The following ZKSCAN2 variants were observed in gnomAD, a reference collection of about 807,000 sequenced individuals.
ZKSCAN2 encodes the protein zinc finger protein with KRAB and SCAN domains 2.
Under a neutral mutation model 90.5 loss-of-function variants are expected in ZKSCAN2, and 38 were observed. The ratio of observed to expected loss-of-function variants is 0.42; its 90% CI spans 0.32 to 0.55. The LOEUF (loss-of-function observed/expected upper bound fraction) is 0.55. ZKSCAN2 is among the 20% of genes least tolerant of loss of function. The pLI, the probability that ZKSCAN2 is intolerant of heterozygous loss-of-function variation, is 0.11. For synonymous variants in ZKSCAN2, 429 were observed against 421.6 expected, an observed-to-expected ratio of 1.02 and a Z score of -0.22; for missense variants, 1,167 against 1,202.6, an observed-to-expected ratio of 0.97 and a Z score of 0.44.
rs774275525 is a variant in ZKSCAN2, at chr16:25,239,836, C to G, written c.2884G>C (p.Glu962Gln). ...PENPHKGKTD[E>Q]FRKTF ...CATCATCAAAAAGTTTTCCTAAATT[C>G]ATCAGTCTTTCCCTTATGTGGGTTC... Residue 962 changes from glutamate to glutamine, a missense_variant, in exon 7 of 7, where the codon GAA becomes CAA. Transcript: ENST00000328086. The G allele has an allele frequency of 1.4e-5, 22 of 1,585,102 alleles. No homozygotes were observed. The highest frequency in any genetic ancestry group is 1.7e-4 in the Middle Eastern group (1 of 5,910).
rs1051608145 is a variant in ZKSCAN2 at position 25,257,650 on chromosome 16, C to G, written c.-523G>C. On this transcript the variant is annotated 5_prime_UTR_variant, in exon 1 of 7. Coordinates refer to ENST00000328086, the MANE Select transcript of ZKSCAN2 (RefSeq NM_001012981.5). ...CGCTGGGGCCGCCGGATTCCGAGAG[C>G]GGCGCCGGGCTCTTTCGGGCCCACG... The G allele has an allele frequency of 1.1e-4, 35 of 313,386 alleles. 1 individual carries two copies. Among genetic ancestry groups the G allele is most frequent in the Non-Finnish European group, 1.4e-4 (31 of 215,850 alleles). The allele number at this position is 313,386 out of a possible 1,614,324, so 19.4% of individuals were successfully genotyped here. A position where few individuals can be genotyped will look rare whatever the true frequency, so the allele number is the denominator to read the frequency against.
chr16:25,240,591 G>A lies in ZKSCAN2; in HGVS notation c.2129C>T (p.Ser710Leu), dbSNP rs1597638892. ...TTGAAGATTTTCCCATTGTCTTCCT[G>A]AGATGCATTCCCTTTTGCGATATTT... ...PSKYRKRECI[S>L]GRQWENLQGI... The change falls in exon 7 of 7, where the codon TCA becomes TTA. Residue 710 changes from serine to leucine, a missense_variant. By Grantham distance (145) the Ser-to-Leu change is moderately radical. Coordinates refer to ENST00000328086, the MANE Select transcript of ZKSCAN2 (RefSeq NM_001012981.5). 1.2e-6 allele frequency: 2 copies of A among 1,614,134 alleles called. No individual in the cohort carries two copies. The highest frequency in any genetic ancestry group is 2.2e-5 in the East Asian group (1 of 44,878).
Position 25,238,555 on chromosome 16 carries a change from T to C in ZKSCAN2, c.*1261A>G, listed in dbSNP as rs1007877329. 2 of 152,236 alleles carry C rather than the reference T, an allele frequency of 1.3e-5. No individual in the cohort carries two copies. Among genetic ancestry groups the C allele is most frequent in the African/African-American group, 2.4e-5 (1 of 41,456 alleles). 9.4% of individuals were successfully genotyped at this position (152,236 alleles called of 1,614,324 possible). A position where few individuals can be genotyped will look rare whatever the true frequency, so the allele number is the denominator to read the frequency against. Reference sequence around the variant, plus strand: ...AAACAAAAACGGTGTTCTGGATTTCTGGATTGAAGTTTTTATAAATGTTCC... The same window carrying C: ...AAACAAAAACGGTGTTCTGGATTTCCGGATTGAAGTTTTTATAAATGTTCC... On this transcript the variant is annotated 3_prime_UTR_variant, in exon 7 of 7. Transcript: ENST00000328086.
chr16:25,256,711 T>C lies in ZKSCAN2; in HGVS notation c.399+18A>G. 2 of 1,587,226 alleles carry C rather than the reference T, an allele frequency of 1.3e-6. No individual in the cohort carries two copies. The highest frequency in any genetic ancestry group is 8.6e-7 in the Non-Finnish European group (1 of 1,167,782). ...TCCCTTTTTTCTAAGTACAAAAATT[T>C]GGAAAATCCTCTCTCACCTGCTGTC... On this transcript the variant is annotated intron_variant, in intron 1 of 6. Transcript: ENST00000328086.
chr16:25,256,661 A>G, intron 1 of ZKSCAN2, 68 bp downstream of exon 1: 1 of 1,511,948 alleles, frequency 6.6e-7, no homozygotes. Flanking sequence ...TCTGCAATAC[A>G]TCCCTGCCCA....
Position 25,239,926 on chromosome 16 carries a change from TG to T in ZKSCAN2, c.2793del (p.Lys932AsnfsTer7), listed in dbSNP as rs753337578. 4 of 1,614,204 alleles carry T rather than the reference TG, an allele frequency of 2.5e-6. No homozygotes were observed. In the Admixed American group the frequency reaches 6.7e-5, roughly 27 times the overall value. ...GKRFSKSSVL[T>X]KHREVHVREK... is the part of the protein sequence containing the mutation. ...TCTCTCACATGAACTTCCCGATGTT[TG>T]GTAAGAACAGAACTCTTACTGAAAC... On this transcript the variant is annotated frameshift_variant, in exon 7 of 7. Transcript: ENST00000328086. LOFTEE classifies it low-confidence loss of function (END_TRUNC).
Position 25,240,304 on chromosome 16 carries a change from G to A in ZKSCAN2, c.2416C>T (p.Leu806Phe). 1 of 1,614,046 alleles carries A rather than the reference G, an allele frequency of 6.2e-7. No homozygotes were observed. The highest frequency in any genetic ancestry group is 8.5e-7 in the Non-Finnish European group (1 of 1,180,022). The change falls in exon 7 of 7, where the codon CTT (leucine) becomes TTT (phenylalanine). Residue 806 changes from leucine to phenylalanine, a missense_variant. By Grantham distance (22) the Leu-to-Phe change is conservative. Coordinates refer to ENST00000328086, the MANE Select transcript of ZKSCAN2 (RefSeq NM_001012981.5). ...IHTGEKPFKC[L>F]DCGKSFNDSS... ...TCATTAAAGCTTTTTCCACAGTCAA[G>A]ACATTTAAAAGGTTTTTCGCCTGTG...
At chr16:25,253,162 G>A (rs1027634609) in intron 2 of ZKSCAN2, 125 bp from the exon 3 acceptor site, 1 of 788,168 alleles carries the variant, frequency 1.3e-6, no homozygotes, top group Non-Finnish European at 2.1e-6. Context: ...TTTTATCTGT[G>A]AGTTCAGAAC....
chr16:25,251,273 C>T (rs1431675425), intron 4 of ZKSCAN2, among the ~76,000 whole-genome samples: 1 of 152,062 alleles, frequency 6.6e-6, no homozygotes. Context: ...GGTCCTGAGA[C>T]ACGTCAAAGA....
intron 5 of ZKSCAN2, 120 bp from the exon 6 acceptor site, chr16:25,244,396 T>A: frequency 1.0e-6 from 1 of 1,004,604 alleles, no homozygotes; most frequent in Non-Finnish European, 1.4e-6. Context: ...CAACAAGAAC[T>A]ACATATGCCT....
At chr16:25,245,692 C>A (rs1186096567) in intron 5 of ZKSCAN2, among the ~76,000 whole-genome samples, 1 of 151,642 alleles carries the variant, frequency 6.6e-6, no homozygotes, top group South Asian at 2.1e-4. Context: ...CTTGAACTCA[C>A]CCAGGAGGAG....
At chr16:25,241,071 C>G (rs1962845544) in intron 6 of ZKSCAN2, among the ~76,000 whole-genome samples, 1 of 152,162 alleles carries the variant, frequency 6.6e-6, no homozygotes, top group African/African-American at 2.4e-5. Context: ...TATACTAAAG[C>G]ACACTACACC....
Position 25,256,974 on chromosome 16 carries a change from A to G in ZKSCAN2, c.154T>C (p.Cys52Arg). 6.2e-7 allele frequency: 1 copy of G among 1,614,228 alleles called. No individual in the cohort carries two copies. Among genetic ancestry groups the G allele is most frequent in the Non-Finnish European group, 8.5e-7 (1 of 1,180,036 alleles). ...TGGGGTCCAGTCACATCCTCATAAC[A>G]GAATTGCCTGAAGCATTTGCGGAAG... ...ETFRKCFRQF[C>R]YEDVTGPHEA... Residue 52 changes from cysteine to arginine, a missense_variant, in exon 1 of 7, where the codon TGT (cysteine) becomes CGT (arginine). Physicochemically the swap from Cys to Arg is radical, Grantham distance 180 (BLOSUM62 -3). Transcript: ENST00000328086.
Position 25,255,199 on chromosome 16 carries a change from C to T in ZKSCAN2, c.586+7G>A. On this transcript the variant is annotated splice_region_variant and intron_variant, in intron 2 of 6. Transcript: ENST00000328086. Reference sequence around the variant, plus strand: ...GCACTAGGCGTGCTCCGAGTCTTCCCTCTTACCATTCTTGGGTAAGGGCCG... The same window carrying T: ...GCACTAGGCGTGCTCCGAGTCTTCCTTCTTACCATTCTTGGGTAAGGGCCG... The T allele has an allele frequency of 6.3e-7, 1 of 1,598,516 alleles. No individual in the cohort carries two copies. Among genetic ancestry groups the T allele is most frequent in the Non-Finnish European group, 8.5e-7 (1 of 1,174,590 alleles).
intron 5 of ZKSCAN2, chr16:25,246,386 A>G (rs1282854046): frequency 3.0e-6 from 1 of 334,872 alleles, no homozygotes; most frequent in Non-Finnish European, 5.5e-6. Context: ...TGATTGCTTT[A>G]TGCCAATTAT....
chr16:25,255,579 A>T (rs1021308619), intron 1 of ZKSCAN2, among the ~76,000 whole-genome samples, 187 bp from the exon 2 acceptor site: 3 of 152,214 alleles, frequency 2.0e-5, no homozygotes, highest in African/African-American at 4.8e-5. Context: ...GTAAGGTAAC[A>T]GAACAGTGTT....
At position 25,257,772 on chromosome 16, in the gene ZKSCAN2, G is replaced by C. The variant is rs1292342772; in HGVS notation, c.-645C>G. 2 of 152,650 alleles carry C rather than the reference G, an allele frequency of 1.3e-5. No homozygotes were observed. The highest frequency in any genetic ancestry group is 4.8e-5 in the African/African-American group (2 of 41,472). The allele number at this position is 152,650 out of a possible 1,614,324, so 9.5% of individuals were successfully genotyped here. A position where few individuals can be genotyped will look rare whatever the true frequency, so the allele number is the denominator to read the frequency against. On this transcript the variant is annotated 5_prime_UTR_variant, in exon 1 of 7. Transcript: ENST00000328086. ...AGAAGAGCTGCGGGGCGAAGCCAGG[G>C]CTCGCAGGGGGCAGCGGCAGGCTGC... is the stretch of plus-strand genomic sequence containing the variant.
chr16:25,242,340 C>A (rs1464370577), intron 6 of ZKSCAN2, among the ~76,000 whole-genome samples: 2 of 152,182 alleles, frequency 1.3e-5, no homozygotes, highest in Non-Finnish European at 2.9e-5. Context: ...AGCCAGGGTT[C>A]TACAGGACTT....
chr16:25,249,486 G>C (rs1209986935), intron 4 of ZKSCAN2, among the ~76,000 whole-genome samples: 1 of 152,038 alleles, frequency 6.6e-6, no homozygotes, highest in Non-Finnish European at 1.5e-5. Context: ...GTTTTACTAT[G>C]TTGGCCAGGC....
Sources: allele counts gnomAD v4.1 joint callset (sites outside exome capture counted in the v4.1 genomes callset), GRCh38; gene constraint gnomAD v4.1.1; transcripts MANE v1.5; gene names NCBI Gene and HGNC (gene_info 2026-07-23, HGNC 2026-07-21).